NR1H3: variants seen among roughly 807,000 people sequenced by gnomAD.
NR1H3 encodes nuclear receptor subfamily 1 group H member 3.
Under a neutral mutation model 48.1 loss-of-function variants are expected in NR1H3, and 19 were observed. The observed-to-expected ratio is 0.40, with a 90% CI of 0.28 to 0.58. The LOEUF (loss-of-function observed/expected upper bound fraction) is 0.58, where lower values mean the gene tolerates loss of function less well. NR1H3 is among the 20% of genes least tolerant of loss of function. The pLI is 0.50. For missense variants in NR1H3, 486 were observed against 595.9 expected (o/e 0.82, Z 1.92); for synonymous variants, 232 against 227.3 (o/e 1.02, Z -0.19).
chr11:47,259,729 C>T (rs1410977692), intron 2 of NR1H3, 62 bp from the exon 3 acceptor site: 63 of 1,604,244 alleles, frequency 3.9e-5, no homozygotes, highest in African/African-American at 1.3e-4. Context: ...CCAGCTAGGA[C>T]GCTGGGCCGT....
Position 47,258,076 on chromosome 11 carries a change from G to A in NR1H3, c.-91G>A. On this transcript the variant is annotated 5_prime_UTR_variant, in exon 1 of 10. Transcript: ENST00000441012. ...GAAACTGCACCATCCTCTTCTCCCAGCAAGGGGGCTCCAGAGACTGCCCAC... is the reference window on the plus strand; with the variant it reads ...GAAACTGCACCATCCTCTTCTCCCAACAAGGGGGCTCCAGAGACTGCCCAC... The A allele has an allele frequency of 6.1e-6, 6 of 985,506 alleles. No individual in the cohort carries two copies. Among genetic ancestry groups the A allele is most frequent in the Non-Finnish European group, 7.2e-6 (6 of 830,098 alleles). The allele number at this position is 985,506 out of a possible 1,614,324, so 61.0% of individuals were successfully genotyped here. A position where few individuals can be genotyped will look rare whatever the true frequency, so the allele number is the denominator to read the frequency against.
chr11:47,256,115 C>T (rs960014847), upstream of NR1H3, among the ~76,000 whole-genome samples: 6 of 151,720 alleles, frequency 4.0e-5, no homozygotes, highest in African/African-American at 1.2e-4. Flanking sequence ...GGCACAATCT[C>T]GGCTCACTGC....
chr11:47,268,157 TGA>T (rs1468213093), intron 8 of NR1H3, 102 bp from the exon 9 acceptor site: 2 of 1,248,204 alleles, frequency 1.6e-6, no homozygotes, highest in East Asian at 2.5e-5. Context: ...TATTTTAGGA[TGA>T]GAGAGCTTGG....
At chr11:47,258,955 C>T in intron 1 of NR1H3, 1 of 665,068 alleles carries the variant, frequency 1.5e-6, no homozygotes, top group Non-Finnish European at 2.3e-6. Flanking sequence ...GTGAGAGGAT[C>T]ACTTGAGCCC....
At chr11:47,248,584 C>T (rs549658663), upstream of NR1H3, 2 of 1,552,128 alleles carry the variant, frequency 1.3e-6, no homozygotes, top group African/African-American at 1.4e-5. Context: ...CCTCCTAAAC[C>T]AGCTGTTCCT....
rs1956074996 is a variant in NR1H3 at position 47,263,046 on chromosome 11, C to T, written c.988+1028C>T. On this transcript the variant is annotated intron_variant, in intron 7 of 9. Coordinates refer to ENST00000441012, the MANE Select transcript of NR1H3 (RefSeq NM_005693.4). The stretch of plus-strand genomic sequence containing the variant: ...ATGGAATGGCACCTTGGAGGAGAAA[C>T]AGGGAGGCACAGGAATGTCCTTCAT... Among the ~76,000 whole-genome samples the T allele has an allele frequency of 2.6e-5, 4 of 152,242 alleles. No individual in the cohort carries two copies. The South Asian group carries it at 8.3e-4, about 32-fold the overall frequency.
upstream of NR1H3, among the ~76,000 whole-genome samples, chr11:47,255,094 C>T (rs1281284884): frequency 1.3e-5 from 2 of 152,216 alleles, no homozygotes; most frequent in African/African-American, 2.4e-5. Flanking sequence ...TGGACTGGAG[C>T]ATCTGCAGGG....
upstream of NR1H3, among the ~76,000 whole-genome samples, chr11:47,254,583 G>A (rs1954920084): frequency 6.6e-6 from 1 of 152,192 alleles, no homozygotes; most frequent in Non-Finnish European, 1.5e-5. Context: ...GGGGGCCTTG[G>A]GAGGGGACGA....
upstream of NR1H3, chr11:47,248,423 A>G: frequency 6.5e-7 from 1 of 1,536,026 alleles, no homozygotes; most frequent in Non-Finnish European, 8.7e-7. Context: ...AAGATAACCA[A>G]AGGCTTCTTT....
upstream of NR1H3, among the ~76,000 whole-genome samples, chr11:47,255,637 CTTTCTT>C (rs1411633120): frequency 8.6e-6 from 1 of 115,780 alleles, no homozygotes; most frequent in South Asian, 2.9e-4. Context: ...TTCTTTCTTT[CTTTCTT>C]TCTTTCTCTT....
At chr11:47,268,397 C>T (rs1162295052) in intron 9 of NR1H3, 42 bp downstream of exon 9, 1 of 1,599,624 alleles carries the variant, frequency 6.3e-7, no homozygotes, top group African/African-American at 1.3e-5. Flanking sequence ...TTCCCACACA[C>T]AGGCCCATTC....
At chr11:47,257,856 G>C (rs1352020852), upstream of NR1H3, 7 of 984,718 alleles carry the variant, frequency 7.1e-6, no homozygotes, top group Non-Finnish European at 8.4e-6. Flanking sequence ...GGAGGAGCCA[G>C]CCTGGTGGAG....
chr11:47,267,634 A>G (rs1015887176), intron 7 of NR1H3, among the ~76,000 whole-genome samples: 5 of 151,734 alleles, frequency 3.3e-5, no homozygotes, highest in African/African-American at 1.2e-4. Context: ...TCAGCCTCCC[A>G]AGTAGCTGGG....
At chr11:47,253,376 G>C (rs977213135), upstream of NR1H3, among the ~76,000 whole-genome samples, 1 of 152,178 alleles carries the variant, frequency 6.6e-6, no homozygotes, top group African/African-American at 2.4e-5. Flanking sequence ...GTATGTAGTA[G>C]GGATGAAATA....
At chr11:47,265,676 A>G (rs1169652954) in intron 7 of NR1H3, among the ~76,000 whole-genome samples, 1 of 152,120 alleles carries the variant, frequency 6.6e-6, no homozygotes, top group Non-Finnish European at 1.5e-5. Flanking sequence ...GATCGAGACC[A>G]TCCTGGCCAA....
At chr11:47,249,820 G>A (rs1352535563) in intron 1 of NR1H3, among the ~76,000 whole-genome samples, 5 of 152,070 alleles carry the variant, frequency 3.3e-5, no homozygotes, top group Admixed American at 1.3e-4. Flanking sequence ...TGGCCTGGGC[G>A]CCGTGGCTCA....
intron 1 of NR1H3, among the ~76,000 whole-genome samples, chr11:47,249,180 A>G (rs903712433): frequency 3.6e-4 from 55 of 152,164 alleles, no homozygotes; most frequent in African/African-American, 1.3e-3. Context: ...GATCGGGTGC[A>G]GAATTGAGGC....
At chr11:47,254,819 A>T (rs1954940619), upstream of NR1H3, among the ~76,000 whole-genome samples, 1 of 151,798 alleles carries the variant, frequency 6.6e-6, no homozygotes, top group East Asian at 1.9e-4. Context: ...CTCAGCCTTC[A>T]TCTTTTTCTC....
Position 47,261,354 on chromosome 11 carries a change from C to T in NR1H3, c.613C>T (p.Gln205Ter), listed in dbSNP as rs1955842343. 1 of 1,614,020 alleles carries T rather than the reference C, an allele frequency of 6.2e-7. No individual in the cohort carries two copies. The part of the protein sequence containing the change: ...RASSPPQILP[Q>*]LSPEQLGMIE... ...TTCCTCACCCCCCCAAATCCTGCCC[C>T]AGCTCAGCCCGGAACAACTGGGCAT... The change falls in exon 5 of 10, where the codon CAG becomes TAG. Residue 205 changes from glutamine to a stop codon, truncating the protein, a stop_gained. Transcript: ENST00000441012. LOFTEE classifies it high-confidence loss of function.
Sources: allele counts gnomAD v4.1 joint callset (sites outside exome capture counted in the v4.1 genomes callset), GRCh38; gene constraint gnomAD v4.1.1; transcripts MANE v1.5; gene names NCBI Gene and HGNC (gene_info 2026-07-23, HGNC 2026-07-21).